Variants in THSD4 observed in about 807,000 individuals in gnomAD.
THSD4 encodes the protein thrombospondin type 1 domain containing 4, also known as thrombospondin type-1 domain-containing protein 4.
A neutral mutation model predicts 119.0 loss-of-function variants in THSD4; 69 were observed. The observed-to-expected ratio is 0.58, with a 90% CI of 0.48 to 0.71. The LOEUF (loss-of-function observed/expected upper bound fraction) is 0.71, where lower values mean the gene tolerates loss of function less well. THSD4 is among the 30% of genes least tolerant of loss of function. The pLI is 0.00. For missense variants in THSD4, 1,393 were observed against 1,391.1 expected (o/e 1.00, Z -0.02); for synonymous variants, 524 against 540.4 (o/e 0.97, Z 0.42).
At chr15:71,141,686 C>T in intron 2 of THSD4, 130 bp downstream of exon 2, 2 of 1,086,028 alleles carry the variant, frequency 1.8e-6, no homozygotes, top group East Asian at 5.2e-5. Context: ...TATAATACGT[C>T]CACTTGTGTA....
At chr15:71,182,276 C>A (rs918369349) in intron 3 of THSD4, among the ~76,000 whole-genome samples, 1 of 151,794 alleles carries the variant, frequency 6.6e-6, no homozygotes, top group African/African-American at 2.4e-5. Flanking sequence ...TTCCTTTGGA[C>A]GTTTGTCATT....
intron 7 of THSD4, among the ~76,000 whole-genome samples, chr15:71,624,564 A>T (rs536894505): frequency 3.3e-5 from 5 of 152,296 alleles, no homozygotes; most frequent in African/African-American, 9.6e-5. Flanking sequence ...TGTGTGGCTT[A>T]ATTGAAACCC....
intron 6 of THSD4, among the ~76,000 whole-genome samples, chr15:71,368,716 T>C (rs79996005): frequency 0.99 from 150,802 of 152,148 alleles, 74,743 homozygotes; most frequent in Middle Eastern, 1. Flanking sequence ...AGTCAGGTAG[T>C]GTGATGCCTC....
chr15:71,458,369 T>A (rs538693912), intron 7 of THSD4, among the ~76,000 whole-genome samples: 20 of 152,360 alleles, frequency 1.3e-4, no homozygotes, highest in South Asian at 1.0e-3. Context: ...TGTATTTTAT[T>A]ATATTTATAA....
rs114257833 is a variant in THSD4, at chr15:71,521,050, C to T, written c.1152+109227C>T. On this transcript the variant is annotated intron_variant, in intron 7 of 17. Transcript: ENST00000261862. ...GTAGATCAACTACCAGCATCAGAGA[C>T]GAACCTGAAGGTAATGGACTCAGGA... Among the ~76,000 whole-genome samples the T allele has an allele frequency of 5.3e-3, 800 of 152,184 alleles. 7 individuals are homozygous for T. Among genetic ancestry groups the T allele is most frequent in the African/African-American group, 0.018 (734 of 41,518 alleles).
In THSD4 at chr15:71,297,330, TTG is replaced by T. The variant is rs1304786883; in HGVS notation, c.1015+40617_1015+40618del. On this transcript the variant is annotated intron_variant, in intron 6 of 17. Transcript: ENST00000261862. ...CTCTCCTCTTCTTTTTTTTGTTTGTTTGTTTGTTTGTTTGTTTGTTTCTGAGA... is the reference window on the plus strand; with the variant it reads ...CTCTCCTCTTCTTTTTTTTGTTTGTTTTTGTTTGTTTGTTTGTTTCTGAGA... Among the ~76,000 whole-genome samples the T allele has an allele frequency of 9.4e-4, 143 of 151,336 alleles. 1 individual carries two copies. The highest frequency in any genetic ancestry group is 1.7e-3 in the Non-Finnish European group (114 of 67,856).
intron 1 of THSD4, among the ~76,000 whole-genome samples, chr15:71,097,619 A>AG (rs924135697): frequency 6.6e-5 from 10 of 150,852 alleles, no homozygotes; most frequent in Non-Finnish European, 1.2e-4. Flanking sequence ...CTCTTTATTG[A>AG]GGGGGAAAAA....
chr15:71,630,030 A>C (rs2140942894), intron 7 of THSD4, among the ~76,000 whole-genome samples: 1 of 152,248 alleles, frequency 6.6e-6, no homozygotes, highest in South Asian at 2.1e-4. Context: ...GAATCTCTTG[A>C]CATTTTCCAC....
chr15:71,262,394 G>A (rs1320468455), intron 6 of THSD4, among the ~76,000 whole-genome samples: 2 of 152,084 alleles, frequency 1.3e-5, no homozygotes, highest in Non-Finnish European at 2.9e-5. Context: ...CTCTGTCTTG[G>A]ACAATAAATA....
intron 6 of THSD4, among the ~76,000 whole-genome samples, chr15:71,323,196 C>T (rs959244678): frequency 6.6e-6 from 1 of 151,298 alleles, no homozygotes; most frequent in Admixed American, 6.6e-5. Context: ...ATTGGTTACA[C>T]AGACTAGTGC....
At chr15:71,306,395 C>G (rs1326026348) in intron 6 of THSD4, among the ~76,000 whole-genome samples, 1 of 143,038 alleles carries the variant, frequency 7.0e-6, no homozygotes, top group African/African-American at 2.6e-5. Context: ...TCTTACTAAA[C>G]TATTTTATCT....
intron 7 of THSD4, among the ~76,000 whole-genome samples, chr15:71,490,996 C>T (rs1052458930): frequency 8.5e-5 from 13 of 152,106 alleles, no homozygotes; most frequent in South Asian, 2.1e-4. Context: ...TGTACTAACA[C>T]AACATAAAAG....
intron 7 of THSD4, among the ~76,000 whole-genome samples, chr15:71,482,840 G>T (rs193260312): frequency 1.1e-3 from 160 of 152,200 alleles, no homozygotes; most frequent in African/African-American, 3.6e-3. Flanking sequence ...ACCCACCTCG[G>T]CCTCCCAGAG....
At chr15:71,699,467 A>G (rs1361582625) in intron 8 of THSD4, among the ~76,000 whole-genome samples, 5 of 152,198 alleles carry the variant, frequency 3.3e-5, no homozygotes, top group African/African-American at 7.2e-5. Flanking sequence ...TTATACCTCA[A>G]TAAAGTGGCT....
At chr15:71,362,093 A>G (rs1176917438) in intron 6 of THSD4, among the ~76,000 whole-genome samples, 1 of 152,192 alleles carries the variant, frequency 6.6e-6, no homozygotes, top group African/African-American at 2.4e-5. Context: ...CCTGGCCAAC[A>G]TGGCGAAACC....
chr15:71,752,414 T>C (rs1193908633), intron 14 of THSD4, among the ~76,000 whole-genome samples: 1 of 152,250 alleles, frequency 6.6e-6, no homozygotes, highest in East Asian at 1.9e-4. Context: ...CTTTATTCTA[T>C]TCAGGGAACT....
chr15:71,231,592 A>T (rs1363071022), intron 4 of THSD4, among the ~76,000 whole-genome samples: 1 of 152,058 alleles, frequency 6.6e-6, no homozygotes, highest in African/African-American at 2.4e-5. Context: ...ACCCCCCATA[A>T]GCCTGTGGGG....
Position 71,332,340 on chromosome 15 carries a change from C to G in THSD4, c.1015+75625C>G, listed in dbSNP as rs146610389. On this transcript the variant is annotated intron_variant, in intron 6 of 17. Transcript: ENST00000261862. ...TGGGTACCACAAATACCTACACTGC[C>G]AGACGGCTATAAGGATAAGAGATGA... Among the ~76,000 whole-genome samples the G allele has an allele frequency of 9.2e-5, 14 of 152,316 alleles. No individual in the cohort carries two copies. The East Asian group carries it at 2.7e-3, about 29-fold the overall frequency.
chr15:71,768,892 A>AG (rs1351088186), intron 16 of THSD4, among the ~76,000 whole-genome samples: 4 of 95,188 alleles, frequency 4.2e-5, no homozygotes, highest in Non-Finnish European at 1.0e-4. Context: ...TGATTTTTAA[A>AG]GGAAAAAAAA....
Sources: allele counts gnomAD v4.1 joint callset (sites outside exome capture counted in the v4.1 genomes callset), GRCh38; gene constraint gnomAD v4.1.1; transcripts MANE v1.5; gene names NCBI Gene and HGNC (gene_info 2026-07-23, HGNC 2026-07-21).